Variants in TACC1 observed in about 807,000 individuals in gnomAD.
The protein encoded by TACC1 is transforming acidic coiled-coil-containing protein 1.
A neutral mutation model predicts 84.4 loss-of-function variants in TACC1; 48 were observed. The ratio of observed to expected loss-of-function variants is 0.57; its 90% CI spans 0.45 to 0.72. The LOEUF (loss-of-function observed/expected upper bound fraction) is 0.72, where lower values mean the gene tolerates loss of function less well. TACC1 is among the 30% of genes least tolerant of loss of function. TACC1 has a pLI of 0.00. For synonymous variants in TACC1, 372 were observed against 376.3 expected (o/e 0.99, Z 0.13); for missense variants, 920 against 973.0 (o/e 0.95, Z 0.72).
At chr8:38,835,179 G>A (rs909240929) in intron 6 of TACC1, among the ~76,000 whole-genome samples, 2 of 151,816 alleles carry the variant, frequency 1.3e-5, no homozygotes, top group Admixed American at 6.6e-5. Context: ...GCGTGAACCC[G>A]GGAGGCGGAG....
At chr8:38,769,814 T>C (rs1045072261) in intron 3 of TACC1, among the ~76,000 whole-genome samples, 7 of 147,904 alleles carry the variant, frequency 4.7e-5, no homozygotes, top group African/African-American at 1.8e-4. Context: ...CTGTGTGTGG[T>C]GTGTGTATGT....
At chr8:38,733,883 A>G (rs1166689099) in intron 1 of TACC1, among the ~76,000 whole-genome samples, 1 of 152,214 alleles carries the variant, frequency 6.6e-6, no homozygotes, top group African/African-American at 2.4e-5. Flanking sequence ...AAACAAGAGG[A>G]CAATGGAATT....
In TACC1 at chr8:38,734,476, A is replaced by G. The variant is rs536152823; in HGVS notation, c.-675+5805A>G. ...CTCCCAAAGTGCTGAGGTTATAGGT[A>G]TGAGCCACACGCCTGGCCATAAGCC... On this transcript the variant is annotated intron_variant, in intron 1 of 14. Transcript: ENST00000518415. Among the ~76,000 whole-genome samples, 6 of 152,292 alleles carry G rather than the reference A, an allele frequency of 3.9e-5. 1 individual carries two copies. The South Asian group carries it at 6.2e-4, about 16-fold the overall frequency.
At chr8:38,736,806 C>A (rs994738445) in intron 1 of TACC1, among the ~76,000 whole-genome samples, 12 of 152,148 alleles carry the variant, frequency 7.9e-5, no homozygotes, top group Non-Finnish European at 8.8e-5. Flanking sequence ...TCTCTGGGGG[C>A]AGACACATTT....
intron 3 of TACC1, among the ~76,000 whole-genome samples, chr8:38,768,514 G>A (rs984877052): frequency 3.0e-4 from 46 of 152,174 alleles, no homozygotes; most frequent in African/African-American, 9.9e-4. Flanking sequence ...AAGCTGCACA[G>A]CAGAAGGAAC....
chr8:38,768,383 CTT>C (rs1305981872), intron 3 of TACC1, among the ~76,000 whole-genome samples: 1 of 152,170 alleles, frequency 6.6e-6, no homozygotes, highest in East Asian at 1.9e-4. Flanking sequence ...CTCATTGTGA[CTT>C]TTTGTATTTA....
At chr8:38,736,837 C>T (rs537257372) in intron 1 of TACC1, among the ~76,000 whole-genome samples, 13 of 152,130 alleles carry the variant, frequency 8.5e-5, no homozygotes, top group South Asian at 2.1e-4. Context: ...TGTTCAGCTC[C>T]ATACTCTCTA....
intron 3 of TACC1, among the ~76,000 whole-genome samples, chr8:38,773,561 T>TCTATCTAGCTATCTAG (rs768304971): frequency 0.14 from 21,548 of 150,620 alleles, 1,844 homozygotes; most frequent in Non-Finnish European, 0.19. Flanking sequence ...TGTAAAAGTA[T>TCTATCTAGCTATCTAG]CTATCTATCT....
chr8:38,742,267 C>T (rs1173154335), intron 1 of TACC1: 14 of 524,346 alleles, frequency 2.7e-5, no homozygotes, highest in Non-Finnish European at 4.3e-5. Flanking sequence ...GAAAGTGAGC[C>T]TTAGGCAAAA....
At position 38,820,611 on chromosome 8, in the gene TACC1, A is replaced by G. The variant is rs1384787587; in HGVS notation, c.1367A>G (p.Lys456Arg). The part of the protein sequence containing the change: ...NHVNEILESP[K>R]KAKSRLITSG... ...GTTAATGAAATCTTAGAATCACCCAAGAAGGCAAAGTCGCGTTTAATAACG... is the reference window on the plus strand; with the variant it reads ...GTTAATGAAATCTTAGAATCACCCAGGAAGGCAAAGTCGCGTTTAATAACG... The change falls in exon 3 of 13, where the codon AAG (lysine) becomes AGG (arginine). Residue 456 changes from lysine to arginine, a missense_variant. Lys to Arg is a conservative substitution (Grantham distance 26). Transcript: ENST00000317827. The G allele has an allele frequency of 1.2e-6, 2 of 1,609,468 alleles. No homozygotes were observed. The highest frequency in any genetic ancestry group is 3.3e-5 in the Admixed American group (2 of 60,016).
At chr8:38,782,465 G>A (rs1386720624), upstream of TACC1, among the ~76,000 whole-genome samples, 1 of 152,128 alleles carries the variant, frequency 6.6e-6, no homozygotes, top group African/African-American at 2.4e-5. Context: ...ATTGTGAATA[G>A]TGCCGCAATA....
At chr8:38,747,655 A>G (rs2151721059) in intron 3 of TACC1, among the ~76,000 whole-genome samples, 1 of 152,344 alleles carries the variant, frequency 6.6e-6, no homozygotes, top group African/African-American at 2.4e-5. Flanking sequence ...AGGCAAAACC[A>G]TGGAGACAAA....
At chr8:38,730,330 C>T (rs79563374) in intron 1 of TACC1, among the ~76,000 whole-genome samples, 15,365 of 152,292 alleles carry the variant, frequency 0.1, 995 homozygotes, top group Non-Finnish European at 0.14. Context: ...AGGGGCAGAG[C>T]CCCGGAGAGC....
At chr8:38,783,494 T>G (rs1816552304), upstream of TACC1, among the ~76,000 whole-genome samples, 1 of 151,814 alleles carries the variant, frequency 6.6e-6, no homozygotes, top group African/African-American at 2.4e-5. Flanking sequence ...TGATCTCGGC[T>G]CACCGCAATC....
chr8:38,740,393 G>A (rs1806828331), intron 1 of TACC1, among the ~76,000 whole-genome samples: 1 of 152,110 alleles, frequency 6.6e-6, no homozygotes, highest in South Asian at 2.1e-4. Flanking sequence ...TTTCCCCAGG[G>A]ACCATTCCTG....
intron 3 of TACC1, chr8:38,757,476 GC>G (rs1810324834): frequency 9.1e-7 from 1 of 1,095,942 alleles, no homozygotes; most frequent in South Asian, 1.9e-5. Context: ...GATGGAGCGC[GC>G]TGGGGCCCGT....
At chr8:38,775,010 CAA>C (rs913147283) in intron 3 of TACC1, among the ~76,000 whole-genome samples, 9 of 83,734 alleles carry the variant, frequency 1.1e-4, no homozygotes, top group Admixed American at 4.0e-4. Flanking sequence ...GACTCCGTCT[CAA>C]AAAAAAAAAA....
intron 2 of TACC1, among the ~76,000 whole-genome samples, chr8:38,801,588 T>C (rs1412677888): frequency 1.3e-5 from 2 of 152,258 alleles, no homozygotes; most frequent in African/African-American, 2.4e-5. Context: ...TCTCTCGTTA[T>C]GCTGGTACCA....
intron 3 of TACC1, among the ~76,000 whole-genome samples, chr8:38,781,281 G>A (rs1415077479): frequency 1.3e-5 from 2 of 151,932 alleles, no homozygotes; most frequent in African/African-American, 4.8e-5. Flanking sequence ...TATGATTAAT[G>A]TTCTACTAAT....
Sources: allele counts gnomAD v4.1 joint callset (sites outside exome capture counted in the v4.1 genomes callset), GRCh38; gene constraint gnomAD v4.1.1; transcripts MANE v1.5; gene names NCBI Gene and HGNC (gene_info 2026-07-23, HGNC 2026-07-21).